SERPINA4: variants seen among roughly 807,000 people sequenced by gnomAD.
The protein encoded by SERPINA4 is serpin family A member 4.
SERPINA4 carries 24 observed loss-of-function variants against 25.4 expected under a neutral mutation model. The observed-to-expected ratio is 0.95, with a 90% CI of 0.69 to 1.33. SERPINA4 has a LOEUF of 1.33. Among genes scored for constraint, SERPINA4 ranks in the 40% most tolerant of loss-of-function variants. The probability of loss-of-function intolerance (pLI) is 0.00; values close to 1 mark genes in which losing one functional copy is unlikely to be tolerated. For synonymous variants in SERPINA4, 242 were observed against 223.6 expected, an observed-to-expected ratio of 1.08 and a Z score of -0.73; for missense variants, 553 against 535.8, an observed-to-expected ratio of 1.03 and a Z score of -0.32.
At chr14:94,569,350 CCT>C in intron 4 of SERPINA4, 43 bp from the exon 5 acceptor site, 1 of 1,579,762 alleles carries the variant, frequency 6.3e-7, no homozygotes, top group Non-Finnish European at 8.7e-7. Flanking sequence ...GTCCAGGCCC[CCT>C]CTCTTGCTGG....
rs559001487 is a variant in SERPINA4, at chr14:94,563,780, C to G, written c.298C>G (p.Gln100Glu). Reference sequence around the variant, plus strand: ...GGGGGCCTGCTCACACAGCCGCAGCCAGATCCTTGAGGGCCTGGGCTTCAA... The same window carrying G: ...GGGGGCCTGCTCACACAGCCGCAGCGAGATCCTTGAGGGCCTGGGCTTCAA... ...SLGACSHSRS[Q>E]ILEGLGFNLT... The change falls in exon 2 of 5, where the codon CAG becomes GAG. Residue 100 changes from glutamine (Q) to glutamate (E), a missense_variant. Transcript: ENST00000557004. 36 of 1,614,194 alleles carry G rather than the reference C, an allele frequency of 2.2e-5. No individual in the cohort carries two copies. In the South Asian group the frequency reaches 2.6e-4, roughly 12 times the overall value.
intron 2 of SERPINA4, 97 bp from the exon 3 acceptor site, chr14:94,566,873 G>T: frequency 7.0e-7 from 1 of 1,425,112 alleles, no homozygotes; most frequent in Non-Finnish European, 9.5e-7. Flanking sequence ...TGGAGCGACT[G>T]TTTCTGTAGC....
At chr14:94,567,393 T>C in intron 3 of SERPINA4, 150 bp downstream of exon 3, 1 of 854,382 alleles carries the variant, frequency 1.2e-6, no homozygotes, top group Non-Finnish European at 1.8e-6. Context: ...TTCCTTTAAA[T>C]GATGAACTCT....
In SERPINA4 at chr14:94,567,082, G is replaced by A. The variant is rs752372045; in HGVS notation, c.762G>A (p.Trp254Ter). ...TGCTGCAGGACCAGGAGCATCACTG[G>A]TATCTTCATGACAGATACTTGCCCT... is the stretch of plus-strand genomic sequence containing the variant. ...PMMLQDQEHHWYLHDRYLPCS... is the reference protein window; with the variant it reads ...PMMLQDQEHH Residue 254 changes from tryptophan to a stop codon, truncating the protein, a stop_gained, in exon 3 of 5, where the codon TGG becomes TGA. Coordinates refer to ENST00000557004, the MANE Select transcript of SERPINA4 (RefSeq NM_006215.4). LOFTEE classifies it high-confidence loss of function. 7 of 1,614,188 alleles carry A rather than the reference G, an allele frequency of 4.3e-6. No individual in the cohort carries two copies. The South Asian group carries it at 6.6e-5, about 15-fold the overall frequency.
At chr14:94,565,931 G>C (rs1902191009) in intron 2 of SERPINA4, among the ~76,000 whole-genome samples, 1 of 152,114 alleles carries the variant, frequency 6.6e-6, no homozygotes, top group Non-Finnish European at 1.5e-5. Flanking sequence ...AGAAACAGTA[G>C]TATGGGTTTC....
rs756128197 is a variant in SERPINA4 at position 94,561,818 on chromosome 14, G to A, written c.-18+324G>A. ...TCTGGCTGCCAATCCAGGTGATCTTGGGGAGCTCATGCCGGAGGGGAGGTG... is the reference window on the plus strand; with the variant it reads ...TCTGGCTGCCAATCCAGGTGATCTTAGGGAGCTCATGCCGGAGGGGAGGTG... On this transcript the variant is annotated intron_variant, in intron 1 of 4. Coordinates refer to ENST00000557004, the MANE Select transcript of SERPINA4 (RefSeq NM_006215.4). 8 of 1,289,844 alleles carry A rather than the reference G, an allele frequency of 6.2e-6. No homozygotes were observed. The South Asian group carries it at 9.9e-5, about 16-fold the overall frequency. 79.9% of individuals were successfully genotyped at this position (1,289,844 alleles called of 1,614,324 possible). A position where few individuals can be genotyped will look rare whatever the true frequency, so the allele number is the denominator to read the frequency against.
chr14:94,568,877 A>AG (rs1218668938), intron 4 of SERPINA4, among the ~76,000 whole-genome samples: 1 of 151,672 alleles, frequency 6.6e-6, no homozygotes, highest in Non-Finnish European at 1.5e-5. Context: ...CAAAAAAAAA[A>AG]AAAAAGAAAA....
rs1202052381 is a variant in SERPINA4 at position 94,567,024 on chromosome 14, T to A, written c.704T>A (p.Val235Asp). ...SSRTTPKDFY[V>D]DENTTVRVPM... ...AGGACCACTCCCAAAGACTTCTATGTTGATGAGAACACAACAGTCCGGGTG... is the reference window on the plus strand; with the variant it reads ...AGGACCACTCCCAAAGACTTCTATGATGATGAGAACACAACAGTCCGGGTG... The change falls in exon 3 of 5, where the codon GTT (valine) becomes GAT (aspartate). Residue 235 changes from valine to aspartate, a missense_variant. Val to Asp is a radical substitution (Grantham distance 152). Transcript: ENST00000557004. 4 of 1,614,208 alleles carry A rather than the reference T, an allele frequency of 2.5e-6. No individual in the cohort carries two copies. The South Asian group carries it at 4.4e-5, about 18-fold the overall frequency.
intron 4 of SERPINA4, 109 bp downstream of exon 4, chr14:94,568,397 G>A: frequency 8.6e-7 from 1 of 1,163,520 alleles, no homozygotes; most frequent in Non-Finnish European, 1.2e-6. Flanking sequence ...CAGAGCCTGA[G>A]TGTGTTCAGT....
chr14:94,566,457 C>G (rs1595065513), intron 2 of SERPINA4, among the ~76,000 whole-genome samples: 1 of 152,298 alleles, frequency 6.6e-6, no homozygotes, highest in East Asian at 1.9e-4. Context: ...ATTGAGAAAA[C>G]AGAATCAGTT....
intron 4 of SERPINA4, among the ~76,000 whole-genome samples, chr14:94,569,004 G>A (rs1045843459): frequency 5.3e-5 from 8 of 152,140 alleles, no homozygotes; most frequent in Non-Finnish European, 1.2e-4. Flanking sequence ...AAGTGCACGA[G>A]GGGGTAGAGC....
intron 3 of SERPINA4, 44 bp from the exon 4 acceptor site, chr14:94,568,085 G>T (rs748978388): frequency 3.1e-6 from 5 of 1,606,802 alleles, no homozygotes; most frequent in Non-Finnish European, 3.4e-6. Context: ...CAGGGATCCT[G>T]GCTTGTTCAT....
rs1160359144 is a variant in SERPINA4 at position 94,563,653 on chromosome 14, C to A, written c.171C>A (p.Asp57Glu). ...PSLKIAPANA[D>E]FAFRFYYLIA... is the part of the protein sequence containing the mutation. The stretch of plus-strand genomic sequence containing the variant: ...TCAAGATAGCCCCTGCCAATGCTGA[C>A]TTTGCCTTCCGCTTCTACTACCTGA... Residue 57 changes from aspartate to glutamate, a missense_variant, in exon 2 of 5, where the codon GAC becomes GAA. By Grantham distance (45) the Asp-to-Glu change is conservative (BLOSUM62 2). Coordinates refer to ENST00000557004, the MANE Select transcript of SERPINA4 (RefSeq NM_006215.4). The A allele has an allele frequency of 1.2e-6, 2 of 1,613,798 alleles. No homozygotes were observed. Among genetic ancestry groups the A allele is most frequent in the African/African-American group, 2.7e-5 (2 of 74,948 alleles).
chr14:94,563,897 G>T lies in SERPINA4; in HGVS notation c.415G>T (p.Val139Leu), dbSNP rs539993882. The T allele has an allele frequency of 2.5e-6, 4 of 1,614,026 alleles. No homozygotes were observed. Among genetic ancestry groups the T allele is most frequent in the Non-Finnish European group, 3.4e-6 (4 of 1,180,032 alleles). The change falls in exon 2 of 5, where the codon GTG becomes TTG. Residue 139 changes from valine to leucine, a missense_variant. Physicochemically the swap from Val to Leu is conservative, Grantham distance 32 (BLOSUM62 1). Transcript: ENST00000557004. ...CCCCGGCCATGGGCTGGAAACACGC[G>T]TGGGCAGTGCTCTGTTCCTGAGCCA... ...NLPGHGLETR[V>L]GSALFLSHNL...
At chr14:94,568,557 T>G (rs907413861) in intron 4 of SERPINA4, among the ~76,000 whole-genome samples, 1 of 152,080 alleles carries the variant, frequency 6.6e-6, no homozygotes. Flanking sequence ...AACGCAATGA[T>G]AGAAAATGGA....
intron 2 of SERPINA4, among the ~76,000 whole-genome samples, chr14:94,566,733 T>C (rs780492216): frequency 2.0e-5 from 3 of 152,232 alleles, no homozygotes; most frequent in Non-Finnish European, 4.4e-5. Context: ...TACTCACATA[T>C]TAGAAAACGA....
chr14:94,567,115 G>C lies in SERPINA4; in HGVS notation c.795G>C (p.Val265=). The C allele has an allele frequency of 6.2e-7, 1 of 1,614,168 alleles. No individual in the cohort carries two copies. Among genetic ancestry groups the C allele is most frequent in the Non-Finnish European group, 8.5e-7 (1 of 1,180,042 alleles). ...ATGACAGATACTTGCCCTGCTCGGT[G>C]CTACGGATGGATTACAAAGGAGACG... The part of the protein sequence containing the change: ...YLHDRYLPCS[V]LRMDYKGDAT... Residue 265 remains valine, a synonymous_variant, in exon 3 of 5, where the codon GTG becomes GTC. Coordinates refer to ENST00000557004, the MANE Select transcript of SERPINA4 (RefSeq NM_006215.4).
At chr14:94,566,355 C>T (rs1902209919) in intron 2 of SERPINA4, among the ~76,000 whole-genome samples, 1 of 152,146 alleles carries the variant, frequency 6.6e-6, no homozygotes, top group South Asian at 2.1e-4. Flanking sequence ...CTACATATCT[C>T]CACTCTCCAA....
At position 94,563,713 on chromosome 14, in the gene SERPINA4, C is replaced by T. The variant is rs1429535386; in HGVS notation, c.231C>T (p.Phe77=). 2 of 1,613,972 alleles carry T rather than the reference C, an allele frequency of 1.2e-6. No homozygotes were observed. The highest frequency in any genetic ancestry group is 8.5e-7 in the Non-Finnish European group (1 of 1,180,052). Residue 77 remains phenylalanine, a synonymous_variant, in exon 2 of 5, where the codon TTC becomes TTT. Transcript: ENST00000557004. ...ASETPGKNIF[F]SPLSISAAYA... The stretch of plus-strand genomic sequence containing the variant: ...AGACCCCGGGGAAGAACATCTTTTT[C>T]TCCCCGCTGAGCATCTCGGCGGCCT...
Sources: gnomAD v4.1 joint callset for allele counts (sites outside exome capture counted in the v4.1 genomes callset) on GRCh38, gnomAD v4.1.1 for gene constraint, MANE v1.5 for transcripts, NCBI Gene and HGNC (gene_info 2026-07-23, HGNC 2026-07-21) for gene names.